The following STX3 variants were observed in gnomAD, a reference collection of about 807,000 sequenced individuals.
STX3 encodes the protein syntaxin-3.
A neutral mutation model predicts 40.2 loss-of-function variants in STX3; 19 were observed. That is an observed-to-expected ratio of 0.47 (90% CI 0.33 to 0.69). STX3 has a LOEUF of 0.69. Ranked by LOEUF, STX3 falls within the 30% of genes least tolerant of loss-of-function variation. The pLI is 0.02. For synonymous variants in STX3, 122 were observed against 132.2 expected (o/e 0.92, Z 0.53); for missense variants, 364 against 366.7 (o/e 0.99, Z 0.06).
At chr11:59,758,079 C>T (rs1317561452) in intron 1 of STX3, among the ~76,000 whole-genome samples, 1 of 152,034 alleles carries the variant, frequency 6.6e-6, no homozygotes, top group Non-Finnish European at 1.5e-5. Flanking sequence ...GTAACTGCCT[C>T]CCGATAACTG....
intron 2 of STX3, among the ~76,000 whole-genome samples, chr11:59,786,385 G>A (rs1377737196): frequency 6.7e-6 from 1 of 148,654 alleles, no homozygotes; most frequent in South Asian, 2.2e-4. Flanking sequence ...TACTACAGGC[G>A]CCCACCATCA....
intron 4 of STX3, 34 bp downstream of exon 4, chr11:59,788,981 C>T (rs1864946048): frequency 6.4e-7 from 1 of 1,572,702 alleles, no homozygotes; most frequent in Admixed American, 1.8e-5. Flanking sequence ...AGGCCGTCCC[C>T]ACCACCATCT....
At chr11:59,762,564 G>A (rs1227171505) in intron 1 of STX3, among the ~76,000 whole-genome samples, 1 of 152,214 alleles carries the variant, frequency 6.6e-6, no homozygotes, top group Non-Finnish European at 1.5e-5. Flanking sequence ...GGGAGAGGAA[G>A]CTTGTGGGAC....
At chr11:59,793,275 G>A in intron 7 of STX3, 103 bp downstream of exon 7, 3 of 1,606,374 alleles carry the variant, frequency 1.9e-6, no homozygotes, top group South Asian at 2.2e-5. Context: ...GCAGGTGCAG[G>A]GAGTTCAGGG....
intron 2 of STX3, among the ~76,000 whole-genome samples, chr11:59,783,428 T>C (rs1352359602): frequency 6.6e-6 from 1 of 152,234 alleles, no homozygotes; most frequent in East Asian, 1.9e-4. Flanking sequence ...TATTCTCATA[T>C]GTATAAAAAG....
Position 59,802,707 on chromosome 11 carries a change from C to T in STX3, c.*1883C>T, listed in dbSNP as rs756976099. ...AAATGACTTTGTATTGATTGTGAAA[C>T]GGTTCTGGCTCTGTCTCGATGCAGA... On this transcript the variant is annotated 3_prime_UTR_variant, in exon 11 of 11. Transcript: ENST00000337979. The T allele has an allele frequency of 6.4e-5, 63 of 985,700 alleles. No individual in the cohort carries two copies. The highest frequency in any genetic ancestry group is 7.0e-5 in the Non-Finnish European group (58 of 829,944). 61.1% of individuals were successfully genotyped at this position (985,700 alleles called of 1,614,324 possible).
chr11:59,797,245 G>T (rs1367196677), intron 9 of STX3, 38 bp from the exon 10 acceptor site: 3 of 1,548,786 alleles, frequency 1.9e-6, no homozygotes, highest in Admixed American at 1.7e-5. Flanking sequence ...TTGGTTGTTT[G>T]TAATAATGAT....
chr11:59,759,901 A>C (rs1209533684), intron 1 of STX3, among the ~76,000 whole-genome samples: 1 of 152,166 alleles, frequency 6.6e-6, no homozygotes, highest in Non-Finnish European at 1.5e-5. Flanking sequence ...AGCCGCTTTT[A>C]TGTGCCAGGT....
intron 8 of STX3, among the ~76,000 whole-genome samples, chr11:59,794,256 A>G (rs1865388406): frequency 6.6e-6 from 1 of 152,184 alleles, no homozygotes; most frequent in Non-Finnish European, 1.5e-5. Context: ...TCGGGATAGA[A>G]TTCTGGATTG....
At chr11:59,793,623 C>T (rs1156288882) in intron 8 of STX3, 109 bp downstream of exon 8, 10 of 1,426,954 alleles carry the variant, frequency 7.0e-6, no homozygotes, top group Non-Finnish European at 9.3e-6. Flanking sequence ...GGTGGGAGAA[C>T]CATTGGGAAT....
At chr11:59,770,587 A>G (rs1048371048) in intron 1 of STX3, among the ~76,000 whole-genome samples, 4 of 152,066 alleles carry the variant, frequency 2.6e-5, no homozygotes, top group African/African-American at 9.7e-5. Context: ...GGGGCCTGAG[A>G]GTTGATGATA....
At chr11:59,766,315 G>A (rs1256362025) in intron 1 of STX3, among the ~76,000 whole-genome samples, 1 of 149,652 alleles carries the variant, frequency 6.7e-6, no homozygotes, top group Non-Finnish European at 1.5e-5. Context: ...TTGGAAAGGA[G>A]GGACAAACTC....
At chr11:59,788,026 G>C (rs956893438) in intron 3 of STX3, among the ~76,000 whole-genome samples, 8 of 152,088 alleles carry the variant, frequency 5.3e-5, no homozygotes, top group African/African-American at 1.7e-4. Flanking sequence ...TGCTTCCCAC[G>C]CTTCAGCCAG....
rs572014801 is a variant in STX3 at position 59,798,475 on chromosome 11, G to A, written c.*30+1079G>A. On this transcript the variant is annotated intron_variant, in intron 10 of 10. Coordinates refer to ENST00000337979, the MANE Select transcript of STX3 (RefSeq NM_004177.5). ...GCCCGCCTAAGCTGGGATTACAGGC[G>A]TGAGCCACTGCGCCCGGCCTGAATC... is the stretch of plus-strand genomic sequence containing the variant. Among the ~76,000 whole-genome samples, 74 of 152,204 alleles carry A rather than the reference G, an allele frequency of 4.9e-4. 1 individual carries two copies. The highest frequency in any genetic ancestry group is 3.5e-3 in the South Asian group (17 of 4,818).
intron 1 of STX3, among the ~76,000 whole-genome samples, chr11:59,764,114 T>C (rs1863170964): frequency 6.6e-6 from 1 of 152,210 alleles, no homozygotes; most frequent in Non-Finnish European, 1.5e-5. Flanking sequence ...CTCTGTTTCT[T>C]TAAAAGCATA....
chr11:59,760,129 G>A (rs1423890676), intron 1 of STX3, among the ~76,000 whole-genome samples: 5 of 152,102 alleles, frequency 3.3e-5, no homozygotes, highest in Non-Finnish European at 5.9e-5. Context: ...CCCATCAGCC[G>A]GAGGCCAGAA....
At chr11:59,792,478 C>T (rs1865246578) in intron 6 of STX3, among the ~76,000 whole-genome samples, 1 of 152,166 alleles carries the variant, frequency 6.6e-6, no homozygotes, top group African/African-American at 2.4e-5. Context: ...CAGTTGCTCT[C>T]TTGTGGACTC....
rs764029125 is a variant in STX3 at position 59,773,259 on chromosome 11, G to A, written c.79G>A (p.Asp27Asn). The A allele has an allele frequency of 1.4e-5, 22 of 1,613,948 alleles. No individual in the cohort carries two copies. Among genetic ancestry groups the A allele is most frequent in the South Asian group, 1.2e-4 (11 of 91,080 alleles). The change falls in exon 2 of 11, where the codon GAC becomes AAC. Residue 27 changes from aspartate to asparagine, a missense_variant. Asp to Asn is a conservative substitution (Grantham distance 23, BLOSUM62 1). Coordinates refer to ENST00000337979, the MANE Select transcript of STX3 (RefSeq NM_004177.5). ...TACTGATGCGGTTGAGATTGCTATCGACAACACGGCTTTTATGGACGAGTT... is the reference window on the plus strand; with the variant it reads ...TACTGATGCGGTTGAGATTGCTATCAACAACACGGCTTTTATGGACGAGTT... ...DDTDAVEIAI[D>N]NTAFMDEFFS...
intron 8 of STX3, 96 bp downstream of exon 8, chr11:59,793,610 T>C (rs1419936643): frequency 1.4e-6 from 2 of 1,479,592 alleles, no homozygotes; most frequent in Admixed American, 2.1e-5. Flanking sequence ...GCCAGTGAGG[T>C]AGGGTGGGAG....
Sources: allele counts gnomAD v4.1 joint callset (sites outside exome capture counted in the v4.1 genomes callset), GRCh38; gene constraint gnomAD v4.1.1; transcripts MANE v1.5; gene names NCBI Gene and HGNC (gene_info 2026-07-23, HGNC 2026-07-21).